The following NECAB1 variants were observed in gnomAD, a reference collection of about 807,000 sequenced individuals.
NECAB1 encodes N-terminal EF-hand calcium-binding protein 1.
Under a neutral mutation model 57.5 loss-of-function variants are expected in NECAB1, and 29 were observed. The observed-to-expected ratio is 0.50, with a 90% confidence interval of 0.38 to 0.69. The LOEUF (loss-of-function observed/expected upper bound fraction) is 0.69, where lower values mean the gene tolerates loss of function less well. Among genes scored for constraint, NECAB1 ranks in the 30% least tolerant of loss-of-function variants. The pLI is 0.00. For synonymous variants in NECAB1, 142 were observed against 147.7 expected (o/e 0.96, Z 0.28); for missense variants, 372 against 413.8 (o/e 0.90, Z 0.88).
intron 5 of NECAB1, among the ~76,000 whole-genome samples, chr8:90,897,649 T>C (rs1245143232): frequency 6.6e-6 from 1 of 152,214 alleles, no homozygotes; most frequent in Non-Finnish European, 1.5e-5. Context: ...AACAAAAAAC[T>C]ATCAATTCTT....
intron 5 of NECAB1, among the ~76,000 whole-genome samples, chr8:90,914,090 C>G (rs923384184): frequency 1.3e-5 from 2 of 152,102 alleles, no homozygotes; most frequent in South Asian, 4.1e-4. Flanking sequence ...ATGTGGGACC[C>G]GGTTTCTCAC....
At chr8:90,891,662 T>C (rs948547894) in intron 5 of NECAB1, among the ~76,000 whole-genome samples, 3 of 152,020 alleles carry the variant, frequency 2.0e-5, no homozygotes, top group African/African-American at 7.2e-5. Context: ...AGGTTATTAG[T>C]ACTGAATGCT....
In NECAB1 at chr8:90,899,536, G is replaced by T. The variant is rs146678572; in HGVS notation, c.358-17956G>T. On this transcript the variant is annotated intron_variant, in intron 5 of 12. Transcript: ENST00000417640. ...AAGCTCACTAAAAGTAAAGAGATGG[G>T]ACCCAAAATTTATTTGAGCTGGAGC... 5.3e-3 allele frequency among the ~76,000 whole-genome samples: 811 copies of T among 152,268 alleles called. 4 individuals are homozygous for T. Among genetic ancestry groups the T allele is most frequent in the Admixed American group, 0.011 (167 of 15,290 alleles).
Position 90,801,687 on chromosome 8 carries a change from C to G in NECAB1, c.100-4C>G. On this transcript the variant is annotated splice_polypyrimidine_tract_variant and splice_region_variant and intron_variant, in intron 1 of 12. Transcript: ENST00000417640. ...GATAAAATTTTTTCCTTTTTCCTTT[C>G]CAGATACTGAGGAGAGCAGACAAAA... The G allele has an allele frequency of 6.6e-7, 1 of 1,522,588 alleles. No individual in the cohort carries two copies. The allele number at this position is 1,522,588 out of a possible 1,614,324, so 94.3% of individuals were successfully genotyped here.
intron 2 of NECAB1, among the ~76,000 whole-genome samples, chr8:90,817,466 G>GTT (rs61477217): frequency 0.4 from 59,717 of 150,798 alleles, 12,891 homozygotes; most frequent in East Asian, 0.81. Context: ...TTTTTTTGTA[G>GTT]TTTTTTTTAT....
intron 10 of NECAB1, among the ~76,000 whole-genome samples, chr8:90,943,601 C>T (rs184834932): frequency 1.3e-5 from 2 of 152,284 alleles, no homozygotes; most frequent in Non-Finnish European, 1.5e-5. Context: ...AGCACAATTG[C>T]CTAGTGCTTG....
intron 6 of NECAB1, among the ~76,000 whole-genome samples, chr8:90,919,879 G>C (rs1328636344): frequency 6.6e-6 from 1 of 152,036 alleles, no homozygotes; most frequent in African/African-American, 2.4e-5. Context: ...CTGCGCTTTT[G>C]TTTTTTTCTA....
chr8:90,879,954 C>A (rs1808807499), intron 4 of NECAB1, among the ~76,000 whole-genome samples: 1 of 152,138 alleles, frequency 6.6e-6, no homozygotes, highest in South Asian at 2.1e-4. Flanking sequence ...ATTTTGACAA[C>A]CATGATCTGG....
At chr8:90,792,096 C>A in intron 1 of NECAB1, 111 bp downstream of exon 1, 2 of 793,056 alleles carry the variant, frequency 2.5e-6, no homozygotes, top group Non-Finnish European at 4.1e-6. Context: ...CCCCAGAACA[C>A]AGGCGAGAAC....
intron 10 of NECAB1, among the ~76,000 whole-genome samples, 180 bp from the exon 11 acceptor site, chr8:90,949,627 T>C (rs1810884766): frequency 6.6e-6 from 1 of 152,206 alleles, no homozygotes; most frequent in South Asian, 2.1e-4. Flanking sequence ...CACTTATGCC[T>C]AACAGACATA....
At chr8:90,832,135 C>T (rs1211837041) in intron 3 of NECAB1, among the ~76,000 whole-genome samples, 1 of 152,086 alleles carries the variant, frequency 6.6e-6, no homozygotes, top group African/African-American at 2.4e-5. Context: ...TACTGAAACC[C>T]ATTTACTTGC....
chr8:90,956,634 T>G lies in NECAB1; in HGVS notation c.*1122T>G, dbSNP rs1370400236. ...TGAAAATACAATACATATAAAAATG[T>G]ATAGCCATGTTATTTTCTAGTATAA... On this transcript the variant is annotated 3_prime_UTR_variant, in exon 13 of 13. Coordinates refer to ENST00000417640, the MANE Select transcript of NECAB1 (RefSeq NM_022351.5). 6.6e-6 allele frequency: 1 copy of G among 151,930 alleles called. No homozygotes were observed. The highest frequency in any genetic ancestry group is 2.4e-5 in the African/African-American group (1 of 41,412). The allele number at this position is 151,930 out of a possible 1,614,324, so 9.4% of individuals were successfully genotyped here. A position where few individuals can be genotyped will look rare whatever the true frequency, so the allele number is the denominator to read the frequency against.
At chr8:90,820,328 A>C (rs1335725966) in intron 2 of NECAB1, among the ~76,000 whole-genome samples, 1 of 151,990 alleles carries the variant, frequency 6.6e-6, no homozygotes, top group African/African-American at 2.4e-5. Context: ...ATTTTCATTT[A>C]TATATTGTTA....
At chr8:90,863,897 GGAAATAAA>G (rs1808457227) in intron 3 of NECAB1, among the ~76,000 whole-genome samples, 1 of 151,884 alleles carries the variant, frequency 6.6e-6, no homozygotes, top group Non-Finnish European at 1.5e-5. Context: ...CACATTTCTT[GGAAATAAA>G]TTCTGAAAAT....
chr8:90,958,055 T>C lies in NECAB1; in HGVS notation c.*2543T>C, dbSNP rs1811064168. ...GGGAGAGTTTACACTTACTTACCTA[T>C]ATATCAGCAGATTTTTCTGGAAGAA... On this transcript the variant is annotated 3_prime_UTR_variant, in exon 13 of 13. Coordinates refer to ENST00000417640, the MANE Select transcript of NECAB1 (RefSeq NM_022351.5). 1 of 149,580 alleles carries C rather than the reference T, an allele frequency of 6.7e-6. No homozygotes were observed. The highest frequency in any genetic ancestry group is 2.4e-5 in the African/African-American group (1 of 40,892). 9.3% of individuals were successfully genotyped at this position (149,580 alleles called of 1,614,324 possible).
chr8:90,837,162 C>T lies in NECAB1; in HGVS notation c.233+12337C>T, dbSNP rs116695614. Among the ~76,000 whole-genome samples the T allele has an allele frequency of 1.4e-3, 206 of 152,334 alleles. 3 individuals carry two copies. Among genetic ancestry groups the T allele is most frequent in the African/African-American group, 4.3e-3 (178 of 41,584 alleles). Reference sequence around the variant, plus strand: ...AGAGATGCCTGGGTAATGTGCTGATCGCAGGGAGGTCACCTGTGCTACTTT... The same window carrying T: ...AGAGATGCCTGGGTAATGTGCTGATTGCAGGGAGGTCACCTGTGCTACTTT... On this transcript the variant is annotated intron_variant, in intron 3 of 12. Coordinates refer to ENST00000417640, the MANE Select transcript of NECAB1 (RefSeq NM_022351.5).
In NECAB1 at chr8:90,949,080, C is replaced by T. The variant is rs1048431097; in HGVS notation, c.861-727C>T. Among the ~76,000 whole-genome samples the T allele has an allele frequency of 1.1e-4, 16 of 151,238 alleles. No homozygotes were observed. In the East Asian group the frequency reaches 2.9e-3, roughly 28 times the overall value. On this transcript the variant is annotated intron_variant, in intron 10 of 12. Coordinates refer to ENST00000417640, the MANE Select transcript of NECAB1 (RefSeq NM_022351.5). The stretch of plus-strand genomic sequence containing the variant: ...AAAAGAAATTTAAAAGTAAAACAAA[C>T]AAAAAACCCTTGCAATTATGGCCAG...
At chr8:90,848,561 G>A (rs886970693) in intron 3 of NECAB1, among the ~76,000 whole-genome samples, 1 of 152,156 alleles carries the variant, frequency 6.6e-6, no homozygotes, top group Non-Finnish European at 1.5e-5. Flanking sequence ...AGAAAAAGAG[G>A]TTTAATGTAC....
chr8:90,852,582 C>G (rs1254003996), intron 3 of NECAB1, among the ~76,000 whole-genome samples: 1 of 152,150 alleles, frequency 6.6e-6, no homozygotes, highest in East Asian at 1.9e-4. Flanking sequence ...CATGGCCCAC[C>G]CTGCCCTCCA....
Sources: allele counts gnomAD v4.1 joint callset (sites outside exome capture counted in the v4.1 genomes callset), GRCh38; gene constraint gnomAD v4.1.1; transcripts MANE v1.5; gene names NCBI Gene and HGNC (gene_info 2026-07-23, HGNC 2026-07-21).